KIAA1549: variants seen among roughly 807,000 people sequenced by gnomAD.
KIAA1549 encodes UPF0606 protein KIAA1549.
Under a neutral mutation model 156.4 loss-of-function variants are expected in KIAA1549, and 70 were observed. The ratio of observed to expected loss-of-function variants is 0.45; its 90% CI spans 0.37 to 0.55. The LOEUF (loss-of-function observed/expected upper bound fraction) is 0.55. KIAA1549 is among the 20% of genes least tolerant of loss of function. The pLI, the probability that KIAA1549 is intolerant of heterozygous loss-of-function variation, is 0.00. For missense variants in KIAA1549, 2,428 were observed against 2,540.9 expected, an observed-to-expected ratio of 0.96 and a Z score of 0.96; for synonymous variants, 1,103 against 1,066.4, an observed-to-expected ratio of 1.03 and a Z score of -0.67.
At chr7:138,891,970 G>A (rs1282400292) in intron 10 of KIAA1549, among the ~76,000 whole-genome samples, 2 of 152,192 alleles carry the variant, frequency 1.3e-5, no homozygotes, top group East Asian at 1.9e-4. Context: ...AATCTATAGG[G>A]TGGGTTCCTG....
chr7:138,904,563 T>C (rs1811952373), intron 7 of KIAA1549, among the ~76,000 whole-genome samples: 1 of 144,868 alleles, frequency 6.9e-6, no homozygotes, highest in Admixed American at 7.1e-5. Context: ...TGCACTAGGT[T>C]AGAAAGGCCT....
At chr7:138,840,646 C>T (rs1159818693) in intron 18 of KIAA1549, among the ~76,000 whole-genome samples, 1 of 152,190 alleles carries the variant, frequency 6.6e-6, no homozygotes, top group Non-Finnish European at 1.5e-5. Context: ...CCATTTCGCC[C>T]TCCCCATTTC....
At position 138,838,061 on chromosome 7, in the gene KIAA1549, G is replaced by A. The variant is rs573970210; in HGVS notation, c.5698C>T (p.His1900Tyr). 8.1e-6 allele frequency: 13 copies of A among 1,596,728 alleles called. No homozygotes were observed. In the East Asian group the frequency reaches 9.0e-5, roughly 11 times the overall value. ...EPSAPSGNLPHRGLQGPGLGY... is the reference protein window; with the variant it reads ...EPSAPSGNLPYRGLQGPGLGY... ...AGCCCAGGGCCCTGCAGTCCCCGGT[G>A]GGGGAGGTTCCCGGAAGGAGCTGAG... Residue 1900 changes from histidine to tyrosine, a missense_variant, in exon 20 of 20, where the codon CAC becomes TAC. This residue lies in a region of KIAA1549 where 363 missense variants were observed against 354.0 expected (regional missense o/e 1.03). Transcript: ENST00000422774.
At chr7:138,849,308 T>C (rs984188101) in intron 17 of KIAA1549, among the ~76,000 whole-genome samples, 2 of 152,094 alleles carry the variant, frequency 1.3e-5, no homozygotes, top group Non-Finnish European at 2.9e-5. Flanking sequence ...AATTGGATCA[T>C]CTTTTTTTAC....
In KIAA1549 at chr7:138,839,462, C is replaced by T. The variant is rs576502681; in HGVS notation, c.5598+671G>A. 3.9e-5 allele frequency among the ~76,000 whole-genome samples: 6 copies of T among 152,206 alleles called. No homozygotes were observed. The South Asian group carries it at 1.2e-3, about 32-fold the overall frequency. On this transcript the variant is annotated intron_variant, in intron 19 of 19. Transcript: ENST00000422774. The stretch of plus-strand genomic sequence containing the variant: ...AACTGTGTGCTTATTACAAAATTAC[C>T]TACACATGGTCATAATACAAATGAC...
chr7:138,938,842 G>A (rs995059973), intron 1 of KIAA1549, among the ~76,000 whole-genome samples: 1 of 152,158 alleles, frequency 6.6e-6, no homozygotes, highest in African/African-American at 2.4e-5. Context: ...GAGGACAAGA[G>A]TACAAGACCA....
intron 12 of KIAA1549, among the ~76,000 whole-genome samples, chr7:138,877,741 A>T (rs865977423): frequency 1.7e-4 from 26 of 152,332 alleles, no homozygotes; most frequent in African/African-American, 4.8e-4. Context: ...TTGTAACAGC[A>T]GCATCTGAGC....
At chr7:138,945,766 T>G (rs1425638405) in intron 1 of KIAA1549, among the ~76,000 whole-genome samples, 1 of 152,166 alleles carries the variant, frequency 6.6e-6, no homozygotes, top group East Asian at 1.9e-4. Context: ...TATAAAAGAT[T>G]GGTTTCTTTT....
At chr7:138,943,804 G>C (rs553993303) in intron 1 of KIAA1549, among the ~76,000 whole-genome samples, 1 of 151,504 alleles carries the variant, frequency 6.6e-6, no homozygotes, top group Non-Finnish European at 1.5e-5. Context: ...AGCTGAGATC[G>C]CACCACTGCA....
At position 138,871,225 on chromosome 7, in the gene KIAA1549, G is replaced by A; in HGVS notation, c.4483C>T (p.Pro1495Ser). Residue 1495 changes from proline (P) to serine (S), a missense_variant, in exon 13 of 20, where the codon CCG becomes TCG. This residue lies in a region of KIAA1549 where 404 missense variants were observed against 417.0 expected (regional missense o/e 0.97). Transcript: ENST00000422774. ...GAGGGGCGCTGGACGGGAGGTGCCG[G>A]GATCGGCTGCATGGCGATAAGCTGG... ...KIQLIAMQPI[P>S]APPVQRPSPA... 6.2e-7 allele frequency: 1 copy of A among 1,613,232 alleles called. No individual in the cohort carries two copies. The highest frequency in any genetic ancestry group is 8.5e-7 in the Non-Finnish European group (1 of 1,179,788).
intron 1 of KIAA1549, among the ~76,000 whole-genome samples, chr7:138,952,381 A>G (rs908868234): frequency 6.6e-6 from 1 of 152,270 alleles, no homozygotes; most frequent in African/African-American, 2.4e-5. Flanking sequence ...GCAAGAGAGC[A>G]GTATTCTAAC....
chr7:138,918,215 A>C lies in KIAA1549; in HGVS notation c.1411T>G (p.Phe471Val). Residue 471 changes from phenylalanine (F) to valine (V), a missense_variant, in exon 2 of 20, where the codon TTC (phenylalanine) becomes GTC (valine). Phe to Val is a conservative substitution (Grantham distance 50, BLOSUM62 -1). Coordinates refer to ENST00000422774, the MANE Select transcript of KIAA1549 (RefSeq NM_001164665.2). The surrounding 1 kb of genome is among the most constrained non-coding windows in gnomAD (Gnocchi z 4.2). ...TGAGGATCTTCCTCAAATTCAGAGA[A>C]GTCTGCTACGACGCTACTCATTAGA... ...ISLMSSVVAD[F>V]SEFEEDPQVF... The C allele has an allele frequency of 1.2e-6, 2 of 1,614,014 alleles. No homozygotes were observed. The highest frequency in any genetic ancestry group is 1.7e-6 in the Non-Finnish European group (2 of 1,179,892).
Position 138,918,028 on chromosome 7 carries a change from G to T in KIAA1549, c.1598C>A (p.Ser533Ter). The T allele has an allele frequency of 6.2e-7, 1 of 1,608,796 alleles. No homozygotes were observed. Among genetic ancestry groups the T allele is most frequent in the South Asian group, 1.1e-5 (1 of 90,076 alleles). Residue 533 changes from serine to a stop codon, truncating the protein, a stop_gained, in exon 2 of 20, where the codon TCA becomes TAA. Transcript: ENST00000422774. LOFTEE classifies it high-confidence loss of function. The surrounding 1 kb of genome is among the most constrained non-coding windows in gnomAD (Gnocchi z 4.2). ...CAAGGAGCCAGCAGTAGGATCAAGT[G>T]ACGCCGGCACAGAGAGGCGGCCGTG... ...PAHGRLSVPA[S>*]LDPTAGSLSV...
chr7:138,943,789 C>T (rs577933382), intron 1 of KIAA1549, among the ~76,000 whole-genome samples: 205 of 151,984 alleles, frequency 1.3e-3, no homozygotes, highest in African/African-American at 4.5e-3. Context: ...GCAGAGCTTG[C>T]AGTGAGCTGA....
chr7:138,860,440 T>C (rs1047766138), intron 16 of KIAA1549, among the ~76,000 whole-genome samples: 1 of 152,354 alleles, frequency 6.6e-6, no homozygotes, highest in South Asian at 2.1e-4. Context: ...AATAAATTCA[T>C]ATTGTGACCT....
chr7:138,857,464 T>C (rs577892524), intron 16 of KIAA1549, among the ~76,000 whole-genome samples: 2 of 152,346 alleles, frequency 1.3e-5, no homozygotes, highest in East Asian at 1.9e-4. Flanking sequence ...TACTTAGCAA[T>C]AGAATCCTGG....
chr7:138,858,922 C>A (rs1005319041), intron 16 of KIAA1549, among the ~76,000 whole-genome samples: 1 of 151,672 alleles, frequency 6.6e-6, no homozygotes, highest in Non-Finnish European at 1.5e-5. Context: ...AGGAGAATGG[C>A]GTGAACCCGG....
At chr7:138,895,978 C>T (rs1811673610) in intron 9 of KIAA1549, among the ~76,000 whole-genome samples, 1 of 151,344 alleles carries the variant, frequency 6.6e-6, no homozygotes, top group South Asian at 2.1e-4. Context: ...CCCACCCCAC[C>T]CGGCCCCCAC....
intron 17 of KIAA1549, among the ~76,000 whole-genome samples, chr7:138,846,136 A>C (rs1357715253): frequency 1.3e-5 from 2 of 152,214 alleles, no homozygotes; most frequent in African/African-American, 4.8e-5. Context: ...GCTAACATAA[A>C]TTTTTAATTA....
Sources: allele counts gnomAD v4.1 joint callset (sites outside exome capture counted in the v4.1 genomes callset), GRCh38; gene constraint gnomAD v4.1.1; regional missense constraint gnomAD v4.1.1; non-coding constraint Gnocchi (gnomAD v3.1); transcripts MANE v1.5; gene names NCBI Gene and HGNC (gene_info 2026-07-23, HGNC 2026-07-21).